Variants in FAM20C observed in about 807,000 individuals in gnomAD.
FAM20C encodes FAM20C golgi associated secretory pathway kinase.
In FAM20C, 40 loss-of-function variants were observed where a neutral mutation model predicts 51.5. The ratio of observed to expected loss-of-function variants is 0.78; its 90% confidence interval spans 0.60 to 1.01. The LOEUF (loss-of-function observed/expected upper bound fraction) is 1.01. Ranked by LOEUF, FAM20C falls within the 50% of genes least tolerant of loss-of-function variation. The probability of loss-of-function intolerance (pLI) is 0.00; values close to 1 mark genes in which losing one functional copy is unlikely to be tolerated. For missense variants in FAM20C, 861 were observed against 844.7 expected (o/e 1.02, Z -0.24); for synonymous variants, 406 against 380.6 (o/e 1.07, Z -0.78).
chr7:227,083 TG>T (rs1787476673), intron 3 of FAM20C, among the ~76,000 whole-genome samples: 1 of 152,026 alleles, frequency 6.6e-6, no homozygotes. Flanking sequence ...TGGGGTCTCC[TG>T]GAAAAGATTA....
intron 4 of FAM20C, among the ~76,000 whole-genome samples, chr7:246,989 T>C (rs566863635): frequency 6.6e-6 from 1 of 151,900 alleles, no homozygotes; most frequent in Non-Finnish European, 1.5e-5. Context: ...GAAGCTGCTG[T>C]GCGGTCGGTA....
At chr7:198,530 A>G (rs758624208) in intron 2 of FAM20C, among the ~76,000 whole-genome samples, 1 of 152,224 alleles carries the variant, frequency 6.6e-6, no homozygotes, top group Non-Finnish European at 1.5e-5. Context: ...TACATTGAAT[A>G]GTCACATGTT....
intron 3 of FAM20C, among the ~76,000 whole-genome samples, chr7:217,206 G>C (rs1034780353): frequency 3.9e-5 from 6 of 152,160 alleles, no homozygotes; most frequent in Admixed American, 6.5e-5. Flanking sequence ...GGCCTGTGGG[G>C]GAGGCGGACA....
At position 252,677 on chromosome 7, in the gene FAM20C, CG is replaced by C. The variant is rs533165131; in HGVS notation, c.1073-3168del. Among the ~76,000 whole-genome samples the C allele has an allele frequency of 3.2e-4, 48 of 152,336 alleles. 2 individuals are homozygous for C. The East Asian group carries it at 7.9e-3, about 25-fold the overall frequency. Reference sequence around the variant, plus strand: ...GCGAGAGGTGGCCAAGGCCAGTGCTCGGGGAAGGTGGGCTCTGGGAGGGAGA... The same window carrying C: ...GCGAGAGGTGGCCAAGGCCAGTGCTCGGGAAGGTGGGCTCTGGGAGGGAGA... On this transcript the variant is annotated intron_variant, in intron 5 of 9. Coordinates refer to ENST00000313766, the MANE Select transcript of FAM20C (RefSeq NM_020223.4).
intron 3 of FAM20C, among the ~76,000 whole-genome samples, chr7:241,313 C>A (rs1414736705): frequency 3.3e-5 from 5 of 152,148 alleles, no homozygotes; most frequent in Non-Finnish European, 7.4e-5. Flanking sequence ...AGATGGGAGC[C>A]GCCAGATGGG....
chr7:222,293 G>A (rs1166415025), intron 3 of FAM20C, among the ~76,000 whole-genome samples: 1 of 152,160 alleles, frequency 6.6e-6, no homozygotes, highest in Non-Finnish European at 1.5e-5. Flanking sequence ...GGCAGGCCTG[G>A]TCCAGCCCCC....
At chr7:203,803 T>C (rs1175925901) in intron 2 of FAM20C, among the ~76,000 whole-genome samples, 6 of 152,174 alleles carry the variant, frequency 3.9e-5, no homozygotes, top group Admixed American at 6.5e-5. Flanking sequence ...TTGGATAATA[T>C]GTTGTTATTT....
chr7:212,462 CA>C (rs1192676729), intron 3 of FAM20C, among the ~76,000 whole-genome samples: 15 of 149,092 alleles, frequency 1.0e-4, no homozygotes, highest in East Asian at 2.0e-4. Flanking sequence ...GACTCCGTCT[CA>C]AAAAAAAAAG....
intron 7 of FAM20C, 79 bp from the exon 8 acceptor site, chr7:256,926 G>T: frequency 1.4e-6 from 2 of 1,479,140 alleles, no homozygotes; most frequent in South Asian, 1.2e-5. Flanking sequence ...AGGAGACGCC[G>T]CTCTGCAGAG....
intron 2 of FAM20C, among the ~76,000 whole-genome samples, chr7:204,526 A>C (rs532800188): frequency 6.6e-6 from 1 of 152,258 alleles, no homozygotes; most frequent in South Asian, 2.1e-4. Flanking sequence ...CCGGGGTGTG[A>C]GCTGTGAGCT....
chr7:231,728 CGGT>C (rs1787697635), intron 3 of FAM20C, among the ~76,000 whole-genome samples: 1 of 152,170 alleles, frequency 6.6e-6, no homozygotes, highest in Non-Finnish European at 1.5e-5. Flanking sequence ...GGGCACCTGG[CGGT>C]GTGTGCAGGC....
chr7:226,625 G>T (rs1339459541), intron 3 of FAM20C, among the ~76,000 whole-genome samples: 6 of 152,066 alleles, frequency 3.9e-5, no homozygotes, highest in Non-Finnish European at 8.8e-5. Flanking sequence ...GGCACAGGCG[G>T]CCGCTCCACC....
At position 228,261 on chromosome 7, in the gene FAM20C, T is replaced by G; in HGVS notation, c.864-18154T>G. On this transcript the variant is annotated intron_variant, in intron 3 of 9. Transcript: ENST00000313766. ...ATAGGTCAGTAGGCGACCCCTGCCC[T>G]GGGCAGGGTCTTGGCTCAGTGCTGC... is the stretch of plus-strand genomic sequence containing the variant. 5.8e-6 allele frequency: 2 copies of G among 346,294 alleles called. 1 individual carries two copies. Among genetic ancestry groups the G allele is most frequent in the South Asian group, 4.4e-5 (2 of 45,384 alleles). The allele number at this position is 346,294 out of a possible 1,614,324, so 21.5% of individuals were successfully genotyped here.
At chr7:232,037 C>T (rs1787711174) in intron 3 of FAM20C, among the ~76,000 whole-genome samples, 1 of 152,218 alleles carries the variant, frequency 6.6e-6, no homozygotes, top group Admixed American at 6.5e-5. Flanking sequence ...TCGGGCTGTC[C>T]CTGCTTTGTG....
intron 5 of FAM20C, among the ~76,000 whole-genome samples, chr7:254,769 G>A (rs376142322): frequency 5.3e-5 from 8 of 152,272 alleles, no homozygotes; most frequent in Admixed American, 2.0e-4. Flanking sequence ...TCCTCACCCC[G>A]CAGCCCTCGA....
chr7:259,570 CTCTG>C (rs1788797942), intron 9 of FAM20C, among the ~76,000 whole-genome samples, 157 bp from the exon 10 acceptor site: 6 of 43,514 alleles, frequency 1.4e-4, no homozygotes, highest in East Asian at 6.6e-4. Flanking sequence ...GTCTCTCTTT[CTCTG>C]TGTATGTCTC....
intron 3 of FAM20C, among the ~76,000 whole-genome samples, chr7:209,770 T>G (rs73040169): frequency 5.3e-5 from 8 of 152,248 alleles, no homozygotes; most frequent in African/African-American, 1.7e-4. Context: ...ATATGGATTT[T>G]TTTTTCCTGT....
At chr7:214,506 G>C (rs574139973) in intron 3 of FAM20C, among the ~76,000 whole-genome samples, 1 of 152,202 alleles carries the variant, frequency 6.6e-6, no homozygotes, top group Admixed American at 6.5e-5. Context: ...TGGTGCGGGA[G>C]GCGGTACCTG....
intron 2 of FAM20C, among the ~76,000 whole-genome samples, chr7:207,063 T>C (rs377581745): frequency 0.01 from 222 of 21,210 alleles, 22 homozygotes; most frequent in Admixed American, 0.017. Flanking sequence ...CCCTCGGCCC[T>C]GCACACGTAT....
Sources: gnomAD v4.1 joint callset for allele counts (sites outside exome capture counted in the v4.1 genomes callset) on GRCh38, gnomAD v4.1.1 for gene constraint, MANE v1.5 for transcripts, NCBI Gene and HGNC (gene_info 2026-07-23, HGNC 2026-07-21) for gene names.